SIL1: variants seen among roughly 807,000 people sequenced by gnomAD.
The protein encoded by SIL1 is nucleotide exchange factor SIL1.
A neutral mutation model predicts 49.1 loss-of-function variants in SIL1; 40 were observed. The observed-to-expected ratio is 0.81, with a 90% CI of 0.63 to 1.06. The LOEUF is 1.06. SIL1 is among the 50% of genes least tolerant of loss of function. SIL1 has a pLI of 0.00. For synonymous variants in SIL1, 253 were observed against 250.8 expected, an observed-to-expected ratio of 1.01 and a Z score of -0.08; for missense variants, 500 against 572.6, an observed-to-expected ratio of 0.87 and a Z score of 1.29.
At chr5:139,051,151 C>G (rs1769276104) in intron 3 of SIL1, 105 bp from the exon 4 acceptor site, 1 of 950,730 alleles carries the variant, frequency 1.1e-6, no homozygotes, top group Non-Finnish European at 1.7e-6. Flanking sequence ...AGACACGACT[C>G]AGCTGTGTTC....
intron 3 of SIL1, among the ~76,000 whole-genome samples, chr5:139,053,967 G>A (rs1212028896): frequency 4.6e-5 from 7 of 152,164 alleles, no homozygotes; most frequent in Non-Finnish European, 1.0e-4. Flanking sequence ...TGACCTGGCT[G>A]GCATATAGTG....
At chr5:139,148,453 G>C (rs1025184626) in intron 1 of SIL1, among the ~76,000 whole-genome samples, 3 of 152,186 alleles carry the variant, frequency 2.0e-5, no homozygotes, top group African/African-American at 4.8e-5. Flanking sequence ...AGGCTCCATG[G>C]GGATGGCTTG....
intron 5 of SIL1, among the ~76,000 whole-genome samples, chr5:139,027,447 T>C (rs1768683843): frequency 6.6e-6 from 1 of 152,204 alleles, no homozygotes; most frequent in African/African-American, 2.4e-5. Flanking sequence ...TTAGGGAAAC[T>C]TGGACATAGA....
At chr5:139,141,338 T>C (rs139368472) in intron 1 of SIL1, among the ~76,000 whole-genome samples, 34 of 152,236 alleles carry the variant, frequency 2.2e-4, no homozygotes, top group Non-Finnish European at 3.8e-4. Flanking sequence ...AAATATGGAC[T>C]GTGGTAATAC....
At chr5:138,974,971 A>G (rs751052660) in intron 7 of SIL1, among the ~76,000 whole-genome samples, 2 of 152,220 alleles carry the variant, frequency 1.3e-5, no homozygotes, top group African/African-American at 2.4e-5. Flanking sequence ...GATATACAGC[A>G]ACAAGCTGTA....
intron 1 of SIL1, among the ~76,000 whole-genome samples, chr5:139,136,990 G>C (rs1331634499): frequency 6.6e-6 from 1 of 152,152 alleles, no homozygotes; most frequent in Non-Finnish European, 1.5e-5. Context: ...ACTCCCATCA[G>C]ACACAATTCT....
chr5:139,024,378 G>A (rs1768598808), intron 6 of SIL1, among the ~76,000 whole-genome samples: 1 of 152,158 alleles, frequency 6.6e-6, no homozygotes, highest in African/African-American at 2.4e-5. Flanking sequence ...GAGGATCAGA[G>A]TCCTGCTATT....
intron 1 of SIL1, among the ~76,000 whole-genome samples, chr5:139,182,639 G>C: frequency 6.6e-6 from 1 of 152,206 alleles, no homozygotes; most frequent in East Asian, 1.9e-4. Context: ...GTGTATTCTG[G>C]TCAGATTACA....
intron 1 of SIL1, among the ~76,000 whole-genome samples, chr5:139,178,079 C>G (rs1751919135): frequency 6.6e-6 from 1 of 152,164 alleles, no homozygotes; most frequent in Non-Finnish European, 1.5e-5. Flanking sequence ...AGCCTGAAAC[C>G]TCCAGGCCTT....
intron 1 of SIL1, among the ~76,000 whole-genome samples, chr5:139,142,205 G>A (rs1448921080): frequency 6.6e-6 from 1 of 152,200 alleles, no homozygotes; most frequent in African/African-American, 2.4e-5. Flanking sequence ...CCAGCAAGGT[G>A]CCTGTTAAGA....
intron 3 of SIL1, among the ~76,000 whole-genome samples, chr5:139,104,857 T>C (rs949810393): frequency 1.3e-5 from 2 of 152,162 alleles, no homozygotes; most frequent in Non-Finnish European, 2.9e-5. Context: ...CTTGAACTCT[T>C]CCTAAGGGTC....
At chr5:139,021,345 G>A in intron 6 of SIL1, 53 bp from the exon 7 acceptor site, 1 of 1,607,818 alleles carries the variant, frequency 6.2e-7, no homozygotes, top group Non-Finnish European at 8.5e-7. Context: ...CAGGAAAGCT[G>A]TTCTTAGAGC....
intron 1 of SIL1, among the ~76,000 whole-genome samples, chr5:139,169,223 G>C (rs1180030800): frequency 6.6e-6 from 1 of 152,142 alleles, no homozygotes; most frequent in Non-Finnish European, 1.5e-5. Context: ...CACATGCCCA[G>C]GGGAAAGTGC....
At chr5:139,146,427 A>T (rs1050610781) in intron 1 of SIL1, among the ~76,000 whole-genome samples, 2 of 152,124 alleles carry the variant, frequency 1.3e-5, no homozygotes, top group African/African-American at 4.8e-5. Flanking sequence ...GCATGGAAGC[A>T]CATGCCTGTG....
At chr5:139,126,437 G>A (rs893623356) in intron 2 of SIL1, among the ~76,000 whole-genome samples, 2 of 152,190 alleles carry the variant, frequency 1.3e-5, no homozygotes, top group African/African-American at 4.8e-5. Context: ...TAAAGCTCAC[G>A]ATGGGGAGCA....
chr5:139,099,939 T>A (rs1250093556), intron 3 of SIL1, among the ~76,000 whole-genome samples: 4 of 152,222 alleles, frequency 2.6e-5, no homozygotes. Flanking sequence ...ATAACTGGAC[T>A]GTTCATAACA....
At chr5:139,023,483 C>T (rs113255996) in intron 6 of SIL1, among the ~76,000 whole-genome samples, 2,118 of 152,332 alleles carry the variant, frequency 0.014, 45 homozygotes, top group African/African-American at 0.048. Context: ...TGAGGAGACA[C>T]GTGGGAGAAG....
At chr5:139,157,286 G>A (rs749209412) in intron 1 of SIL1, among the ~76,000 whole-genome samples, 1 of 152,180 alleles carries the variant, frequency 6.6e-6, no homozygotes, top group African/African-American at 2.4e-5. Context: ...TCCAATCACT[G>A]AGAAGCTCCT....
chr5:139,185,286 C>T (rs1752058539), intron 1 of SIL1, among the ~76,000 whole-genome samples: 1 of 152,134 alleles, frequency 6.6e-6, no homozygotes. Flanking sequence ...CCTGAGCTGC[C>T]GGGATGGGCT....
Sources: gnomAD v4.1 joint callset for allele counts (sites outside exome capture counted in the v4.1 genomes callset) on GRCh38, gnomAD v4.1.1 for gene constraint, MANE v1.5 for transcripts, NCBI Gene and HGNC (gene_info 2026-07-23, HGNC 2026-07-21) for gene names.